The following RABL6 variants were observed in gnomAD, a reference collection of about 807,000 sequenced individuals.
RABL6 encodes RAB, member RAS oncogene family like 6.
RABL6 carries 28 observed loss-of-function variants against 72.9 expected under a neutral mutation model. That is an observed-to-expected ratio of 0.38 (90% CI 0.28 to 0.53). RABL6 has a LOEUF of 0.53. Ranked by LOEUF, RABL6 falls within the 20% of genes least tolerant of loss-of-function variation. The probability of loss-of-function intolerance (pLI) is 0.80; values close to 1 mark genes in which losing one functional copy is unlikely to be tolerated. For synonymous variants in RABL6, 477 were observed against 421.2 expected (o/e 1.13, Z -1.62); for missense variants, 1,029 against 1,008.4 (o/e 1.02, Z -0.28).
At position 136,826,938 on chromosome 9, in the gene RABL6, G is replaced by C. The variant is rs1848371895; in HGVS notation, c.313+1112G>C. 1 of 152,244 alleles carries C rather than the reference G, an allele frequency of 6.6e-6. No homozygotes were observed. The allele number at this position is 152,244 out of a possible 1,614,324, so 9.4% of individuals were successfully genotyped here. A position where few individuals can be genotyped will look rare whatever the true frequency, so the allele number is the denominator to read the frequency against. On this transcript the variant is annotated intron_variant, in intron 3 of 14. Transcript: ENST00000311502. The surrounding 1 kb of genome is among the most constrained non-coding windows in gnomAD (Gnocchi z 4.9). ...GGCTTCCCGTAGACACGGTTGCCCA[G>C]AGTGGGGTTCATAACTGGGCACTGT...
chr9:136,823,503 C>G (rs1348439200), intron 1 of RABL6, 22 bp from the exon 2 acceptor site: 9 of 1,612,448 alleles, frequency 5.6e-6, no homozygotes, highest in Non-Finnish European at 7.6e-6. Flanking sequence ...TTTGCCTTTT[C>G]TTTTTCTCTT....
rs1446193907 is a variant in RABL6, at chr9:136,822,945, GGACA to G, written c.131-579_131-576del. ...CTACTAAAAATACAAAAAATTAGCT[GGACA>G]TGGTGGCGGGCGCCTGTAGTCCCAG... On this transcript the variant is annotated intron_variant, in intron 1 of 14. Coordinates refer to ENST00000311502, the MANE Select transcript of RABL6 (RefSeq NM_024718.5). Among the ~76,000 whole-genome samples the G allele has an allele frequency of 2.8e-3, 429 of 152,224 alleles. 1 individual carries two copies. The highest frequency in any genetic ancestry group is 0.01 in the African/African-American group (418 of 41,522).
At chr9:136,823,460 C>T (rs913629344) in intron 1 of RABL6, 65 bp from the exon 2 acceptor site, 1 of 1,593,064 alleles carries the variant, frequency 6.3e-7, no homozygotes, top group Non-Finnish European at 8.6e-7. Flanking sequence ...TGTAGTTGCT[C>T]TTAAAGCTGC....
Position 136,840,475 on chromosome 9 carries a change from G to T in RABL6, c.2143G>T (p.Ala715Ser). The part of the protein sequence containing the change: ...DELEAFLGGG[A>S]PGGRHPGGGD... The stretch of plus-strand genomic sequence containing the variant: ...GCTGGAGGCTTTCCTGGGGGGCGGG[G>T]CCCCGGGCGGCCGCCACCCTGGGGG... The change falls in exon 15 of 15, where the codon GCC becomes TCC. Residue 715 changes from alanine (A) to serine (S), a missense_variant. Around this residue, in one of 2 missense-constraint regions of RABL6, gnomAD observed 595 missense variants for 472.4 expected, o/e 1.26. Transcript: ENST00000311502. 6.5e-7 allele frequency: 1 copy of T among 1,527,840 alleles called. No homozygotes were observed. The highest frequency in any genetic ancestry group is 1.2e-5 in the South Asian group (1 of 81,528). 94.6% of individuals were successfully genotyped at this position (1,527,840 alleles called of 1,614,324 possible).
intron 8 of RABL6, chr9:136,836,128 GGGCTGCCTGCCCATCAGGGGCTT>G (rs1405477243): frequency 2.5e-5 from 9 of 356,408 alleles, no homozygotes; most frequent in African/African-American, 1.7e-4. Flanking sequence ...AGTGCTGCTG[GGGCTGCCTGCCCATCAGGGGCTT>G]GGCCTCCCAG....
At chr9:136,810,807 C>G (rs1170049176) in intron 1 of RABL6, among the ~76,000 whole-genome samples, 3 of 152,224 alleles carry the variant, frequency 2.0e-5, no homozygotes, top group Non-Finnish European at 4.4e-5. Flanking sequence ...TCTCAAAGTG[C>G]TGGGATTACA....
chr9:136,839,859 G>A lies in RABL6; in HGVS notation c.1924G>A (p.Glu642Lys), dbSNP rs371514872. The A allele has an allele frequency of 2.4e-5, 38 of 1,611,766 alleles. No individual in the cohort carries two copies. The highest frequency in any genetic ancestry group is 3.1e-5 in the Non-Finnish European group (36 of 1,179,514). ...GGAGGCCGGACCCAAGGAGAGCAGTGAGGAAGGTGGGTGGGGGCACCAGAG... is the reference window on the plus strand; with the variant it reads ...GGAGGCCGGACCCAAGGAGAGCAGTAAGGAAGGTGGGTGGGGGCACCAGAG... ...LEEAGPKESS[E>K]EGKEGKTPSK... Residue 642 changes from glutamate to lysine, a missense_variant, in exon 13 of 15, where the codon GAG (glutamate) becomes AAG (lysine). Glu to Lys is a moderately conservative substitution (Grantham distance 56). Around this residue, in one of 2 missense-constraint regions of RABL6, gnomAD observed 595 missense variants for 472.4 expected, o/e 1.26. Transcript: ENST00000311502.
At chr9:136,814,106 CAT>C (rs748009861) in intron 1 of RABL6, 17 of 345,444 alleles carry the variant, frequency 4.9e-5, no homozygotes, top group African/African-American at 2.2e-4. Context: ...TGAAAATCCA[CAT>C]AGTCAGATTT....
At chr9:136,815,178 T>G in intron 1 of RABL6, 1 of 331,074 alleles carries the variant, frequency 3.0e-6, no homozygotes, top group Non-Finnish European at 5.9e-6. Context: ...TTGGCGTTCT[T>G]GCCGTTCTTT....
intron 1 of RABL6, among the ~76,000 whole-genome samples, chr9:136,817,508 C>T (rs567452759): frequency 6.6e-6 from 1 of 151,720 alleles, no homozygotes; most frequent in Non-Finnish European, 1.5e-5. Context: ...CCGACGTGGG[C>T]TGAGGGGAGG....
chr9:136,840,794 A>T lies in RABL6; in HGVS notation c.*272A>T. The T allele has an allele frequency of 6.5e-7, 1 of 1,547,480 alleles. No individual in the cohort carries two copies. Among genetic ancestry groups the T allele is most frequent in the Non-Finnish European group, 8.7e-7 (1 of 1,146,760 alleles). Reference sequence around the variant, plus strand: ...CTGGCCCTCTCGGGGCAGAGCCGCCAGTGTTTCTCAGGGATGTGACTGAGG... The same window carrying T: ...CTGGCCCTCTCGGGGCAGAGCCGCCTGTGTTTCTCAGGGATGTGACTGAGG... On this transcript the variant is annotated 3_prime_UTR_variant, in exon 15 of 15. Transcript: ENST00000311502.
At chr9:136,839,611 C>T in intron 12 of RABL6, 83 bp from the exon 13 acceptor site, 2 of 1,545,080 alleles carry the variant, frequency 1.3e-6, no homozygotes, top group South Asian at 1.2e-5. Context: ...CACACTTGGG[C>T]CTTGCCGGCC....
intron 2 of RABL6, among the ~76,000 whole-genome samples, chr9:136,825,044 C>T (rs553409289): frequency 6.6e-6 from 1 of 152,332 alleles, no homozygotes; most frequent in Admixed American, 6.5e-5. Flanking sequence ...AGGCTCCATC[C>T]ATCAGCTCCC....
chr9:136,837,147 T>C, intron 8 of RABL6, 199 bp from the exon 9 acceptor site: 2 of 722,604 alleles, frequency 2.8e-6, no homozygotes, highest in East Asian at 2.7e-5. Context: ...AGTGCTGGGA[T>C]TACAGGCATG....
intron 1 of RABL6, among the ~76,000 whole-genome samples, chr9:136,816,442 T>A (rs1848120653): frequency 1.3e-5 from 2 of 150,922 alleles, no homozygotes; most frequent in Admixed American, 1.3e-4. Context: ...AAGTTGGGCA[T>A]GGTGCCTCAC....
chr9:136,835,539 C>G (rs139714870), intron 7 of RABL6: 1 of 537,136 alleles, frequency 1.9e-6, no homozygotes, highest in African/African-American at 1.9e-5. Flanking sequence ...GGTGTCGTGC[C>G]GGCCACCGCA....
intron 1 of RABL6, chr9:136,821,266 T>G: frequency 1.1e-6 from 1 of 950,506 alleles, no homozygotes; most frequent in Non-Finnish European, 1.3e-6. Context: ...GCGTTGGTTC[T>G]GGCCGCGGGA....
At chr9:136,829,581 C>T (rs1848429429) in intron 5 of RABL6, 97 bp downstream of exon 5, 23 of 1,116,514 alleles carry the variant, frequency 2.1e-5, no homozygotes, top group South Asian at 1.6e-4. Flanking sequence ...AGAGCAGCAT[C>T]GTTCTGCAGG....
chr9:136,838,913 G>T lies in RABL6; in HGVS notation c.1285G>T (p.Gly429Trp). The change falls in exon 11 of 15, where the codon GGG becomes TGG. Residue 429 changes from glycine to tryptophan, a missense_variant. By Grantham distance (184) the Gly-to-Trp change is radical. Coordinates refer to ENST00000311502, the MANE Select transcript of RABL6 (RefSeq NM_024718.5). Reference sequence around the variant, plus strand: ...GCTTTGCCCCCTGCTTTGCAGTGATGGGGAGGCCCTGGGCGGCAACCCGAT... The same window carrying T: ...GCTTTGCCCCCTGCTTTGCAGTGATTGGGAGGCCCTGGGCGGCAACCCGAT... ...KAAQQDSDSD[G>W]EALGGNPMVA... 6.3e-7 allele frequency: 1 copy of T among 1,588,004 alleles called. No individual in the cohort carries two copies.
Sources: allele counts gnomAD v4.1 joint callset (sites outside exome capture counted in the v4.1 genomes callset), GRCh38; gene constraint gnomAD v4.1.1; regional missense constraint gnomAD v4.1.1; non-coding constraint Gnocchi (gnomAD v3.1); transcripts MANE v1.5; gene names NCBI Gene and HGNC (gene_info 2026-07-23, HGNC 2026-07-21).